Variants in SNX29 observed in about 807,000 individuals in gnomAD.
SNX29 encodes sorting nexin-29.
Under a neutral mutation model 102.1 loss-of-function variants are expected in SNX29, and 78 were observed. The ratio of observed to expected loss-of-function variants is 0.76; its 90% CI spans 0.64 to 0.92. The LOEUF (loss-of-function observed/expected upper bound fraction) is 0.92. Ranked by LOEUF, SNX29 falls within the 40% of genes least tolerant of loss-of-function variation. The probability of loss-of-function intolerance (pLI) is 0.00; values close to 1 mark genes in which losing one functional copy is unlikely to be tolerated. For missense variants in SNX29, 1,280 were observed against 1,061.7 expected, an observed-to-expected ratio of 1.21 and a Z score of -2.86; for synonymous variants, 580 against 414.5, an observed-to-expected ratio of 1.40 and a Z score of -4.85.
chr16:12,397,683 G>A (rs780976197), intron 16 of SNX29, among the ~76,000 whole-genome samples: 3 of 152,132 alleles, frequency 2.0e-5, no homozygotes, highest in Non-Finnish European at 4.4e-5. Flanking sequence ...AACATTTATT[G>A]AACATCTACC....
At chr16:12,484,656 C>G (rs2088139001) in intron 19 of SNX29, among the ~76,000 whole-genome samples, 1 of 152,144 alleles carries the variant, frequency 6.6e-6, no homozygotes, top group Non-Finnish European at 1.5e-5. Flanking sequence ...GCCTTTGCAC[C>G]TGTCACACCC....
At chr16:12,490,474 G>C (rs752903070) in intron 19 of SNX29, among the ~76,000 whole-genome samples, 24 of 152,112 alleles carry the variant, frequency 1.6e-4, no homozygotes, top group Non-Finnish European at 3.2e-4. Context: ...ATGTTTTCTG[G>C]TCTGGCTCAA....
chr16:12,556,043 G>A (rs773662809), intron 20 of SNX29, among the ~76,000 whole-genome samples: 20 of 152,078 alleles, frequency 1.3e-4, no homozygotes, highest in Non-Finnish European at 2.2e-4. Flanking sequence ...AGTGCTGAGT[G>A]ACGCTTAAAG....
At chr16:12,557,333 G>A (rs766738969) in intron 20 of SNX29, 2 of 152,036 alleles carry the variant, frequency 1.3e-5, no homozygotes, top group African/African-American at 4.8e-5. Flanking sequence ...AGAGAGATGG[G>A]AAGAACCTCA....
intron 20 of SNX29, among the ~76,000 whole-genome samples, chr16:12,560,005 A>G (rs11863694): frequency 0.67 from 102,475 of 152,036 alleles, 35,908 homozygotes; most frequent in Middle Eastern, 0.83. Context: ...AAGCAACTTC[A>G]CTTACATTTT....
At chr16:12,137,717 A>G (rs1472394082) in intron 13 of SNX29, among the ~76,000 whole-genome samples, 1 of 152,222 alleles carries the variant, frequency 6.6e-6, no homozygotes, top group Non-Finnish European at 1.5e-5. Flanking sequence ...AGGACAGTAC[A>G]TTTCTTCAGT....
chr16:11,993,713 G>A (rs905291813), intron 1 of SNX29, among the ~76,000 whole-genome samples: 26 of 152,230 alleles, frequency 1.7e-4, no homozygotes, highest in African/African-American at 5.8e-4. Context: ...TCTCCAGGAG[G>A]TCACTGTAGC....
rs1318133254 is a variant in SNX29 at position 12,078,912 on chromosome 16, A to G, written c.1399A>G (p.Ile467Val). 4.4e-6 allele frequency: 7 copies of G among 1,600,464 alleles called. No homozygotes were observed. Among genetic ancestry groups the G allele is most frequent in the East Asian group, 2.2e-5 (1 of 44,470 alleles). Residue 467 changes from isoleucine to valine, a missense_variant, in exon 11 of 21, where the codon ATT becomes GTT. By Grantham distance (29) the Ile-to-Val change is conservative. Coordinates refer to ENST00000566228, the MANE Select transcript of SNX29 (RefSeq NM_032167.5). ...TGCCTCAGTGCCAGAGTCCATGACA[A>G]TTAGTAAGTACTTTCGCAGCCCCCT... ...PSASVPESMTISELRQATVAM... is the reference protein window; with the variant it reads ...PSASVPESMTVSELRQATVAM...
intron 1 of SNX29, among the ~76,000 whole-genome samples, chr16:11,996,825 A>G (rs771217149): frequency 5.9e-5 from 9 of 152,236 alleles, no homozygotes; most frequent in Non-Finnish European, 1.3e-4. Flanking sequence ...AGATGGGTCT[A>G]TAGCCATCCT....
At chr16:12,017,715 G>A (rs2056891854) in intron 3 of SNX29, among the ~76,000 whole-genome samples, 1 of 151,628 alleles carries the variant, frequency 6.6e-6, no homozygotes, top group African/African-American at 2.4e-5. Flanking sequence ...CATTCTGTCT[G>A]TGGTTTGCAT....
At chr16:12,289,036 A>G (rs1314273709) in intron 15 of SNX29, among the ~76,000 whole-genome samples, 1 of 152,242 alleles carries the variant, frequency 6.6e-6, no homozygotes, top group Admixed American at 6.5e-5. Flanking sequence ...TGCAGTGACA[A>G]ACATGCTGGC....
intron 13 of SNX29, among the ~76,000 whole-genome samples, chr16:12,175,495 C>T (rs1300015797): frequency 1.3e-5 from 2 of 151,734 alleles, no homozygotes; most frequent in Non-Finnish European, 2.9e-5. Context: ...AACAAACAAA[C>T]AAAAAATTAG....
chr16:12,566,031 G>A (rs944628891), intron 20 of SNX29, among the ~76,000 whole-genome samples: 2 of 152,174 alleles, frequency 1.3e-5, no homozygotes, highest in Admixed American at 6.5e-5. Flanking sequence ...GGTGACACAG[G>A]TCATGTGTTT....
chr16:12,562,680 C>T (rs1052774991), intron 20 of SNX29, among the ~76,000 whole-genome samples: 3 of 152,194 alleles, frequency 2.0e-5, no homozygotes, highest in South Asian at 4.1e-4. Context: ...GATTTACAGG[C>T]ACTGCCTTCT....
chr16:12,025,556 G>T (rs2057167192), intron 3 of SNX29, among the ~76,000 whole-genome samples: 1 of 152,170 alleles, frequency 6.6e-6, no homozygotes, highest in Non-Finnish European at 1.5e-5. Flanking sequence ...TGAAAACCAA[G>T]CAGTATGGTT....
chr16:12,471,554 C>T (rs908129017), intron 18 of SNX29, among the ~76,000 whole-genome samples: 5 of 152,180 alleles, frequency 3.3e-5, no homozygotes, highest in Non-Finnish European at 4.4e-5. Flanking sequence ...TGACGTATGA[C>T]GATGTGTCAG....
Position 12,543,838 on chromosome 16 carries a change from A to G in SNX29, c.2318+18997A>G, listed in dbSNP as rs532460454. On this transcript the variant is annotated intron_variant, in intron 20 of 20. Transcript: ENST00000566228. ...GAGACAGGGACACCTTCGTATTTGG[A>G]AGAGAGAAGCCAGTGGTGGAACATC... Among the ~76,000 whole-genome samples, 19 of 152,300 alleles carry G rather than the reference A, an allele frequency of 1.2e-4. No homozygotes were observed. In the East Asian group the frequency reaches 3.7e-3, roughly 29 times the overall value.
intron 19 of SNX29, among the ~76,000 whole-genome samples, chr16:12,490,945 T>G (rs2088514748): frequency 6.6e-6 from 1 of 152,242 alleles, no homozygotes; most frequent in South Asian, 2.1e-4. Flanking sequence ...TGCGGAATCA[T>G]TCTGTGTCCT....
intron 16 of SNX29, among the ~76,000 whole-genome samples, chr16:12,395,929 C>T (rs1055714998): frequency 6.6e-6 from 1 of 152,216 alleles, no homozygotes; most frequent in African/African-American, 2.4e-5. Context: ...TATCATCATG[C>T]ATTTGCTACA....
Sources: allele counts gnomAD v4.1 joint callset (sites outside exome capture counted in the v4.1 genomes callset), GRCh38; gene constraint gnomAD v4.1.1; transcripts MANE v1.5; gene names NCBI Gene and HGNC (gene_info 2026-07-23, HGNC 2026-07-21).